Variants in NUBPL observed in about 807,000 individuals in gnomAD.
NUBPL encodes NUBP iron-sulfur cluster assembly factor, mitochondrial.
In NUBPL, 31 loss-of-function variants were observed where a neutral mutation model predicts 45.7. That is an observed-to-expected ratio of 0.68 (90% confidence interval 0.51 to 0.92). The LOEUF is 0.92. Among genes scored for constraint, NUBPL ranks in the 40% least tolerant of loss-of-function variants. The pLI, the probability that NUBPL is intolerant of heterozygous loss-of-function variation, is 0.00. For synonymous variants in NUBPL, 144 were observed against 140.9 expected, an observed-to-expected ratio of 1.02 and a Z score of -0.15; for missense variants, 401 against 398.7, an observed-to-expected ratio of 1.01 and a Z score of -0.05.
chr14:31,622,429 T>C (rs1055778285), intron 4 of NUBPL, among the ~76,000 whole-genome samples: 2 of 151,388 alleles, frequency 1.3e-5, no homozygotes, highest in African/African-American at 4.9e-5. Flanking sequence ...AGGAGCGAAA[T>C]GTTCATCACC....
chr14:31,697,674 G>A (rs2037243447), intron 6 of NUBPL, among the ~76,000 whole-genome samples: 1 of 152,186 alleles, frequency 6.6e-6, no homozygotes, highest in African/African-American at 2.4e-5. Context: ...CAGAGTTAAA[G>A]AGAAAAATCT....
At chr14:31,826,818 G>C in intron 8 of NUBPL, 104 bp downstream of exon 8, 1 of 1,021,098 alleles carries the variant, frequency 9.8e-7, no homozygotes, top group East Asian at 2.5e-5. Flanking sequence ...CTGTACAGAA[G>C]TCTTTATGAA....
At chr14:31,856,524 C>T (rs1194026229) in intron 10 of NUBPL, among the ~76,000 whole-genome samples, 1 of 152,176 alleles carries the variant, frequency 6.6e-6, no homozygotes, top group African/African-American at 2.4e-5. Flanking sequence ...AAAATGTCCA[C>T]AGTCCAAAGT....
chr14:31,571,388 G>A (rs2139462809), intron 3 of NUBPL, among the ~76,000 whole-genome samples: 1 of 150,578 alleles, frequency 6.6e-6, no homozygotes, highest in South Asian at 2.1e-4. Flanking sequence ...CACTGTGTGA[G>A]CTAGCCTTGC....
In NUBPL at chr14:31,798,303, GTTT is replaced by G. The variant is rs71115031; in HGVS notation, c.607+10446_607+10448del. 2.4e-3 allele frequency among the ~76,000 whole-genome samples: 256 copies of G among 107,254 alleles called. 1 individual carries two copies. The highest frequency in any genetic ancestry group is 0.01 in the African/African-American group (243 of 23,186). 70.4% of individuals were successfully genotyped at this position (107,254 alleles called of 152,430 possible). On this transcript the variant is annotated intron_variant, in intron 7 of 10. Transcript: ENST00000281081. ...CTTTCATTTTAGGTATTTATTTATG[GTTT>G]TTTTTTTTTTTTTTTGCTGTGCTGT...
intron 4 of NUBPL, among the ~76,000 whole-genome samples, chr14:31,642,097 A>G (rs757203324): frequency 6.6e-6 from 1 of 152,056 alleles, no homozygotes; most frequent in Non-Finnish European, 1.5e-5. Context: ...TGTCAGATGG[A>G]TAGTTTACAA....
intron 6 of NUBPL, among the ~76,000 whole-genome samples, chr14:31,677,021 T>C (rs1237941983): frequency 6.6e-6 from 1 of 152,026 alleles, no homozygotes; most frequent in Non-Finnish European, 1.5e-5. Context: ...TATTTTTTTT[T>C]CTTTTTTAAA....
At chr14:31,711,784 A>T (rs986756487) in intron 6 of NUBPL, among the ~76,000 whole-genome samples, 3 of 151,678 alleles carry the variant, frequency 2.0e-5, no homozygotes, top group African/African-American at 7.3e-5. Context: ...GGAGTTGTTC[A>T]TTCCTTCCGG....
intron 4 of NUBPL, among the ~76,000 whole-genome samples, chr14:31,669,806 TTTG>T (rs1181470733): frequency 0.061 from 4,261 of 69,600 alleles, 290 homozygotes; most frequent in African/African-American, 0.18. Flanking sequence ...GGTTTTTTTT[TTTG>T]TTTTTTTTTT....
At chr14:31,726,301 T>C (rs2037923419) in intron 6 of NUBPL, among the ~76,000 whole-genome samples, 1 of 152,234 alleles carries the variant, frequency 6.6e-6, no homozygotes, top group Non-Finnish European at 1.5e-5. Flanking sequence ...TCAGAGATAT[T>C]TGATATAGCT....
intron 4 of NUBPL, among the ~76,000 whole-genome samples, chr14:31,625,990 G>A (rs1048701779): frequency 1.3e-5 from 2 of 152,138 alleles, no homozygotes; most frequent in African/African-American, 4.8e-5. Flanking sequence ...TTTTAAAAAG[G>A]TAATGGAAAG....
chr14:31,859,880 GA>G lies in NUBPL; in HGVS notation c.*702del, dbSNP rs2040684855. 6.5e-6 allele frequency: 1 copy of G among 153,294 alleles called. No homozygotes were observed. The highest frequency in any genetic ancestry group is 1.5e-5 in the Non-Finnish European group (1 of 68,844). 9.5% of individuals were successfully genotyped at this position (153,294 alleles called of 1,614,324 possible). A position where few individuals can be genotyped will look rare whatever the true frequency, so the allele number is the denominator to read the frequency against. ...AGATAAGTAATTTGAGATATAATTT[GA>G]AGGCACTCAACCTTGAGTGTCTTGC... On this transcript the variant is annotated 3_prime_UTR_variant, in exon 11 of 11. Coordinates refer to ENST00000281081, the MANE Select transcript of NUBPL (RefSeq NM_025152.3).
rs2034365293 is a variant in NUBPL, at chr14:31,599,380, G to GT, written c.382+2dup. 6.3e-7 allele frequency: 1 copy of GT among 1,596,186 alleles called. No individual in the cohort carries two copies. Among genetic ancestry groups the GT allele is most frequent in the South Asian group, 1.1e-5 (1 of 90,718 alleles). On this transcript the variant is annotated splice_donor_variant, in intron 4 of 10. Transcript: ENST00000281081. LOFTEE classifies it high-confidence loss of function. The stretch of plus-strand genomic sequence containing the variant: ...AAAGGAAATCCGGAATTATCACAGA[G>GT]TAAGTAAAGAAGGGATAAATATTAT...
intron 3 of NUBPL, among the ~76,000 whole-genome samples, chr14:31,593,773 G>C (rs2034211236): frequency 6.6e-6 from 1 of 152,154 alleles, no homozygotes; most frequent in African/African-American, 2.4e-5. Context: ...AAGGAAGTGA[G>C]TAAGAGACCA....
At chr14:31,759,603 G>T (rs1253463490) in intron 6 of NUBPL, among the ~76,000 whole-genome samples, 1 of 151,738 alleles carries the variant, frequency 6.6e-6, no homozygotes, top group Non-Finnish European at 1.5e-5. Flanking sequence ...ACTACATATG[G>T]TGTCCAACTT....
chr14:31,675,533 C>G (rs915375920), intron 6 of NUBPL, among the ~76,000 whole-genome samples: 7 of 152,142 alleles, frequency 4.6e-5, no homozygotes, highest in African/African-American at 1.7e-4. Context: ...AACATATATA[C>G]AGAAGAATGT....
intron 8 of NUBPL, among the ~76,000 whole-genome samples, chr14:31,828,784 T>G (rs2040144520): frequency 2.0e-5 from 3 of 152,296 alleles, no homozygotes; most frequent in African/African-American, 7.2e-5. Flanking sequence ...CCTGTGAACG[T>G]GGATACTTAA....
intron 6 of NUBPL, among the ~76,000 whole-genome samples, chr14:31,776,707 A>G (rs2039103595): frequency 6.6e-6 from 1 of 152,234 alleles, no homozygotes; most frequent in Non-Finnish European, 1.5e-5. Flanking sequence ...GCTTTGTTAC[A>G]TAAAAGTTTA....
intron 3 of NUBPL, among the ~76,000 whole-genome samples, chr14:31,593,431 G>C (rs189923402): frequency 6.7e-6 from 1 of 149,226 alleles, no homozygotes; most frequent in Admixed American, 6.8e-5. Context: ...GGAGAATGGC[G>C]TGAACCCGGG....
Sources: allele counts gnomAD v4.1 joint callset (sites outside exome capture counted in the v4.1 genomes callset), GRCh38; gene constraint gnomAD v4.1.1; transcripts MANE v1.5; gene names NCBI Gene and HGNC (gene_info 2026-07-23, HGNC 2026-07-21).